AZI2: variants seen among roughly 807,000 people sequenced by gnomAD.
The protein encoded by AZI2 is 5-azacytidine-induced protein 2.
Under a neutral mutation model 45.8 loss-of-function variants are expected in AZI2, and 22 were observed. The observed-to-expected ratio is 0.48, with a 90% CI of 0.34 to 0.69. The LOEUF is 0.69. AZI2 is among the 30% of genes least tolerant of loss of function. AZI2 has a pLI of 0.01. For missense variants in AZI2, 417 were observed against 441.5 expected (o/e 0.94, Z 0.50); for synonymous variants, 137 against 156.7 (o/e 0.87, Z 0.94).
chr3:28,335,423 T>C lies in AZI2; in HGVS notation c.588+1314A>G, dbSNP rs974982734. 6.6e-5 allele frequency among the ~76,000 whole-genome samples: 10 copies of C among 152,126 alleles called. No homozygotes were observed. The East Asian group carries it at 1.7e-3, about 26-fold the overall frequency. Reference sequence around the variant, plus strand: ...GTAACTGAGCTGTAGAACAGGATGCTGAGTCTTTGAAGGAATTGTGGTGTG... The same window carrying C: ...GTAACTGAGCTGTAGAACAGGATGCCGAGTCTTTGAAGGAATTGTGGTGTG... On this transcript the variant is annotated intron_variant, in intron 5 of 7. Transcript: ENST00000479665.
chr3:28,326,075 T>C (rs1703375769), intron 7 of AZI2, among the ~76,000 whole-genome samples: 3 of 151,086 alleles, frequency 2.0e-5, no homozygotes, highest in African/African-American at 4.8e-5. Flanking sequence ...TAAAAAGTCC[T>C]ATCTCATTTT....
Position 28,338,539 on chromosome 3 carries a change from T to C in AZI2, c.293A>G (p.Glu98Gly). The change falls in exon 3 of 8, where the codon GAG becomes GGG. Residue 98 changes from glutamate (E) to glycine (G), a missense_variant. Physicochemically the swap from Glu to Gly is moderately conservative, Grantham distance 98 (BLOSUM62 -2). Coordinates refer to ENST00000479665, the MANE Select transcript of AZI2 (RefSeq NM_022461.5). ...QVNKAYHAYR[E>G]VCIDRDNLKS... is the part of the protein sequence containing the mutation. ...CAAATTATCTCTATCAATGCAAACC[T>C]CTCGATATGCATGATAGGCCTTATT... 6.2e-7 allele frequency: 1 copy of C among 1,605,438 alleles called. No homozygotes were observed. The highest frequency in any genetic ancestry group is 8.5e-7 in the Non-Finnish European group (1 of 1,174,074).
In AZI2 at chr3:28,323,280, TC is replaced by T. The variant is rs1332554830; in HGVS notation, c.*761del. ...GATTAGACTGAAATCTGTGTGATGC[TC>T]CTTCTACTACTTATTGAATAGTGTG... On this transcript the variant is annotated 3_prime_UTR_variant, in exon 8 of 8. Coordinates refer to ENST00000479665, the MANE Select transcript of AZI2 (RefSeq NM_022461.5). 2 of 151,272 alleles carry T rather than the reference TC, an allele frequency of 1.3e-5. No homozygotes were observed. Among genetic ancestry groups the T allele is most frequent in the Non-Finnish European group, 3.0e-5 (2 of 67,284 alleles). The allele number at this position is 151,272 out of a possible 1,614,324, so 9.4% of individuals were successfully genotyped here. A position where few individuals can be genotyped will look rare whatever the true frequency, so the allele number is the denominator to read the frequency against.
chr3:28,324,016 T>C lies in AZI2; in HGVS notation c.*26A>G, dbSNP rs199679141. ...CCACTGAAAGAGATAAGTGTCCTCA[T>C]GGTGAAATCGTGAATCTCTTCCAAA... On this transcript the variant is annotated 3_prime_UTR_variant, in exon 8 of 8. Coordinates refer to ENST00000479665, the MANE Select transcript of AZI2 (RefSeq NM_022461.5). The C allele has an allele frequency of 8.3e-6, 13 of 1,572,718 alleles. No individual in the cohort carries two copies. The highest frequency in any genetic ancestry group is 1.4e-5 in the African/African-American group (1 of 73,582).
At chr3:28,330,123 G>C (rs1703520316) in intron 6 of AZI2, among the ~76,000 whole-genome samples, 1 of 151,052 alleles carries the variant, frequency 6.6e-6, no homozygotes, top group African/African-American at 2.4e-5. Context: ...GTCTAGATCT[G>C]GTTTAAAAAC....
At chr3:28,347,516 G>A (rs1226681041) in intron 1 of AZI2, among the ~76,000 whole-genome samples, 1 of 152,084 alleles carries the variant, frequency 6.6e-6, no homozygotes, top group Non-Finnish European at 1.5e-5. Context: ...ACTATGCTTT[G>A]GTGCCTTAGA....
intron 1 of AZI2, among the ~76,000 whole-genome samples, chr3:28,342,679 C>T (rs562943690): frequency 8.0e-5 from 12 of 149,964 alleles, no homozygotes; most frequent in Admixed American, 6.1e-4. Flanking sequence ...TGAAAGTATG[C>T]ATATATATCT....
chr3:28,337,858 C>T, intron 4 of AZI2, 79 bp downstream of exon 4: 1 of 896,128 alleles, frequency 1.1e-6, no homozygotes, highest in Non-Finnish European at 1.6e-6. Flanking sequence ...CATATGGATA[C>T]AGAAAACTGT....
At chr3:28,326,416 T>G (rs1018336772) in intron 7 of AZI2, 2 of 158,410 alleles carry the variant, frequency 1.3e-5, no homozygotes, top group African/African-American at 4.8e-5. Context: ...TTTGTTTTCT[T>G]TTTCAAAACA....
intron 1 of AZI2, 108 bp from the exon 2 acceptor site, chr3:28,340,730 C>T: frequency 2.3e-6 from 2 of 856,220 alleles, no homozygotes; most frequent in East Asian, 2.7e-5. Flanking sequence ...TGTTTAAAAA[C>T]CAGACTGCCT....
chr3:28,340,363 T>A (rs1703962869), intron 2 of AZI2, 39 bp downstream of exon 2: 1 of 1,316,274 alleles, frequency 7.6e-7, no homozygotes, highest in East Asian at 2.4e-5. Context: ...AATTATTCCT[T>A]ATGTCACAAA....
At chr3:28,343,977 G>GTTA (rs1704128113) in intron 1 of AZI2, among the ~76,000 whole-genome samples, 2 of 151,492 alleles carry the variant, frequency 1.3e-5, no homozygotes, top group Non-Finnish European at 3.0e-5. Context: ...ATCAAAAGTT[G>GTTA]CATATATTAT....
rs551374143 is a variant in AZI2 at position 28,322,080 on chromosome 3, A to G, written c.*1962T>C. 11 of 151,368 alleles carry G rather than the reference A, an allele frequency of 7.3e-5. No homozygotes were observed. In the South Asian group the frequency reaches 2.3e-3, roughly 31 times the overall value. 9.4% of individuals were successfully genotyped at this position (151,368 alleles called of 1,614,324 possible). The stretch of plus-strand genomic sequence containing the variant: ...CCTAGAACAGAGATATCAAGTGTAG[A>G]TTTAAAAGCTTCTAGCTGGGTAAAA... On this transcript the variant is annotated 3_prime_UTR_variant, in exon 8 of 8. Coordinates refer to ENST00000479665, the MANE Select transcript of AZI2 (RefSeq NM_022461.5).
In AZI2 at chr3:28,322,644, T is replaced by C. The variant is rs1252051613; in HGVS notation, c.*1398A>G. 6.6e-6 allele frequency: 1 copy of C among 151,600 alleles called. No homozygotes were observed. The highest frequency in any genetic ancestry group is 1.5e-5 in the Non-Finnish European group (1 of 67,408). 9.4% of individuals were successfully genotyped at this position (151,600 alleles called of 1,614,324 possible). ...TTTATGCATATTGGGTTTGGTTCTA[T>C]TACTTGGCAGGAGATTGTACTCCCC... is the stretch of plus-strand genomic sequence containing the variant. On this transcript the variant is annotated 3_prime_UTR_variant, in exon 8 of 8. Coordinates refer to ENST00000479665, the MANE Select transcript of AZI2 (RefSeq NM_022461.5).
intron 1 of AZI2, among the ~76,000 whole-genome samples, chr3:28,340,835 TAAC>T (rs1703988952): frequency 6.6e-6 from 1 of 152,050 alleles, no homozygotes; most frequent in African/African-American, 2.4e-5. Flanking sequence ...GTACAAGAAA[TAAC>T]AGCAAATACC....
At chr3:28,331,266 A>T (rs192266713) in intron 6 of AZI2, among the ~76,000 whole-genome samples, 7 of 151,540 alleles carry the variant, frequency 4.6e-5, no homozygotes, top group Non-Finnish European at 1.0e-4. Flanking sequence ...TATAAAAAGG[A>T]CAATACAGAA....
intron 5 of AZI2, among the ~76,000 whole-genome samples, chr3:28,333,408 TA>T (rs1200150930): frequency 6.6e-6 from 1 of 151,722 alleles, no homozygotes; most frequent in Non-Finnish European, 1.5e-5. Context: ...GTTTGACCAC[TA>T]ACGAGACACA....
intron 1 of AZI2, 67 bp from the exon 2 acceptor site, chr3:28,340,689 A>T: frequency 8.4e-7 from 1 of 1,196,174 alleles, no homozygotes; most frequent in African/African-American, 1.5e-5. Flanking sequence ...AAAAAAAGTT[A>T]TAGTTAAGAA....
At chr3:28,333,207 G>A (rs1703653954) in intron 5 of AZI2, among the ~76,000 whole-genome samples, 1 of 151,646 alleles carries the variant, frequency 6.6e-6, no homozygotes, top group Non-Finnish European at 1.5e-5. Context: ...TATATAATTT[G>A]CAGTGAAACA....
Sources: allele counts gnomAD v4.1 joint callset (sites outside exome capture counted in the v4.1 genomes callset), GRCh38; gene constraint gnomAD v4.1.1; transcripts MANE v1.5; gene names NCBI Gene and HGNC (gene_info 2026-07-23, HGNC 2026-07-21).